PALLD: variants seen among roughly 807,000 people sequenced by gnomAD.
The protein encoded by PALLD is palladin.
A neutral mutation model predicts 123.5 loss-of-function variants in PALLD; 61 were observed. That is an observed-to-expected ratio of 0.49 (90% confidence interval 0.40 to 0.61). The LOEUF (loss-of-function observed/expected upper bound fraction) is 0.61. Among genes scored for constraint, PALLD ranks in the 20% least tolerant of loss-of-function variants. The pLI, the probability that PALLD is intolerant of heterozygous loss-of-function variation, is 0.00. For missense variants in PALLD, 1,273 were observed against 1,377.0 expected, an observed-to-expected ratio of 0.92 and a Z score of 1.20; for synonymous variants, 465 against 496.4, an observed-to-expected ratio of 0.94 and a Z score of 0.84.
At chr4:168,703,163 G>T (rs1447106288) in intron 8 of PALLD, among the ~76,000 whole-genome samples, 1 of 144,936 alleles carries the variant, frequency 6.9e-6, no homozygotes, top group Admixed American at 6.9e-5. Flanking sequence ...GCGGTGTTTG[G>T]TTTTTTGTTC....
At chr4:168,762,720 G>A (rs747080715) in intron 10 of PALLD, among the ~76,000 whole-genome samples, 25 of 152,134 alleles carry the variant, frequency 1.6e-4, no homozygotes, top group South Asian at 2.1e-4. Flanking sequence ...AAAGACACAC[G>A]CACACGTATG....
At chr4:168,922,387 C>T (rs901784898) in intron 18 of PALLD, among the ~76,000 whole-genome samples, 3 of 152,148 alleles carry the variant, frequency 2.0e-5, no homozygotes, top group African/African-American at 7.2e-5. Flanking sequence ...TTTATTTCTT[C>T]TACCTCTTTA....
intron 10 of PALLD, among the ~76,000 whole-genome samples, chr4:168,808,914 C>G (rs1427363377): frequency 6.6e-6 from 1 of 152,190 alleles, no homozygotes; most frequent in East Asian, 1.9e-4. Context: ...TGGGTGGGGA[C>G]ACAGCCAAAC....
At chr4:168,796,033 T>A (rs1184607630) in intron 10 of PALLD, among the ~76,000 whole-genome samples, 1 of 152,246 alleles carries the variant, frequency 6.6e-6, no homozygotes, top group Non-Finnish European at 1.5e-5. Context: ...GAATCATTTA[T>A]CCTTTGTGTT....
intron 3 of PALLD, among the ~76,000 whole-genome samples, chr4:168,668,801 T>C (rs1580852203): frequency 6.6e-6 from 1 of 152,208 alleles, no homozygotes; most frequent in Non-Finnish European, 1.5e-5. Context: ...TTGTCTCTTT[T>C]GTTAAGACCC....
chr4:168,588,832 T>G (rs750377603), intron 2 of PALLD, among the ~76,000 whole-genome samples: 7 of 150,432 alleles, frequency 4.7e-5, no homozygotes, highest in Non-Finnish European at 7.3e-5. Context: ...GTGTTCAATC[T>G]CTATCAGAAA....
chr4:168,804,889 G>T (rs575104150), intron 10 of PALLD, among the ~76,000 whole-genome samples: 3 of 151,998 alleles, frequency 2.0e-5, no homozygotes, highest in East Asian at 1.9e-4. Context: ...GGCCGGGTGT[G>T]GTGGCTCACA....
intron 10 of PALLD, among the ~76,000 whole-genome samples, chr4:168,839,568 G>A (rs1339020169): frequency 6.6e-6 from 1 of 151,534 alleles, no homozygotes; most frequent in Non-Finnish European, 1.5e-5. Flanking sequence ...TGGTGTTGGT[G>A]GGATGGGAGG....
At chr4:168,885,433 C>T (rs1256696301) in intron 10 of PALLD, 1 of 152,184 alleles carries the variant, frequency 6.6e-6, no homozygotes, top group African/African-American at 2.4e-5. Flanking sequence ...AAGGATGACA[C>T]ACAAAGTCAT....
chr4:168,510,415 G>A (rs1762425564), intron 1 of PALLD, among the ~76,000 whole-genome samples: 1 of 151,934 alleles, frequency 6.6e-6, no homozygotes, highest in African/African-American at 2.4e-5. Context: ...TTCCTTAAAA[G>A]CCTTATCAAA....
intron 3 of PALLD, among the ~76,000 whole-genome samples, chr4:168,671,611 C>G (rs914077485): frequency 6.6e-6 from 1 of 152,174 alleles, no homozygotes; most frequent in Non-Finnish European, 1.5e-5. Context: ...GCTCCTTGGC[C>G]TTGTGAAATA....
chr4:168,542,358 G>A (rs1561227747), intron 2 of PALLD, among the ~76,000 whole-genome samples: 1 of 151,888 alleles, frequency 6.6e-6, no homozygotes, highest in Non-Finnish European at 1.5e-5. Flanking sequence ...CGAGGCTGCA[G>A]TGAGCTATGA....
At chr4:168,538,469 T>A (rs1049630910) in intron 2 of PALLD, among the ~76,000 whole-genome samples, 32 of 151,624 alleles carry the variant, frequency 2.1e-4, no homozygotes, top group African/African-American at 2.4e-4. Flanking sequence ...AAAATAAAAT[T>A]TTATTTTAAA....
chr4:168,793,516 A>C (rs1192646171), intron 10 of PALLD, among the ~76,000 whole-genome samples: 1 of 151,850 alleles, frequency 6.6e-6, no homozygotes, highest in Non-Finnish European at 1.5e-5. Context: ...CTCAGAAAGA[A>C]GGGTAGAGAG....
chr4:168,672,563 A>G (rs1033695189), intron 3 of PALLD, among the ~76,000 whole-genome samples: 7 of 151,462 alleles, frequency 4.6e-5, no homozygotes, highest in Non-Finnish European at 7.4e-5. Flanking sequence ...GGTTCACGCC[A>G]TTCTCCTGCC....
At chr4:168,601,527 C>G (rs1772655683) in intron 2 of PALLD, among the ~76,000 whole-genome samples, 1 of 152,142 alleles carries the variant, frequency 6.6e-6, no homozygotes. Flanking sequence ...TTTGGGCTTA[C>G]TCTAGAGAAA....
At chr4:168,716,091 A>G (rs1235723881) in intron 10 of PALLD, among the ~76,000 whole-genome samples, 1 of 152,168 alleles carries the variant, frequency 6.6e-6, no homozygotes, top group African/African-American at 2.4e-5. Flanking sequence ...CACTGAGCTC[A>G]CCTCCTACGG....
chr4:168,644,467 C>A (rs1383911640), intron 2 of PALLD, among the ~76,000 whole-genome samples: 1 of 152,188 alleles, frequency 6.6e-6, no homozygotes, highest in African/African-American at 2.4e-5. Flanking sequence ...ACTGAATCCA[C>A]CCAATAAACA....
chr4:168,602,136 G>A (rs1033414574), intron 2 of PALLD, among the ~76,000 whole-genome samples: 2 of 152,184 alleles, frequency 1.3e-5, no homozygotes, highest in Admixed American at 6.5e-5. Context: ...GGGTCACAAG[G>A]TCCAAAGCAT....
Sources: gnomAD v4.1 joint callset for allele counts (sites outside exome capture counted in the v4.1 genomes callset) on GRCh38, gnomAD v4.1.1 for gene constraint, MANE v1.5 for transcripts, NCBI Gene and HGNC (gene_info 2026-07-23, HGNC 2026-07-21) for gene names.